GOLGA4: variants seen among roughly 807,000 people sequenced by gnomAD.
GOLGA4 encodes the protein golgin A4.
Under a neutral mutation model 265.9 loss-of-function variants are expected in GOLGA4, and 169 were observed. That is an observed-to-expected ratio of 0.64 (90% CI 0.56 to 0.72). The LOEUF (loss-of-function observed/expected upper bound fraction) is 0.72. GOLGA4 is among the 30% of genes least tolerant of loss of function. The probability of loss-of-function intolerance (pLI) is 0.00; values close to 1 mark genes in which losing one functional copy is unlikely to be tolerated. For missense variants in GOLGA4, 2,482 were observed against 2,483.4 expected (o/e 1.00, Z 0.01); for synonymous variants, 923 against 855.8 (o/e 1.08, Z -1.37).
At chr3:37,280,057 A>G (rs1053717108) in intron 2 of GOLGA4, among the ~76,000 whole-genome samples, 3 of 152,182 alleles carry the variant, frequency 2.0e-5, no homozygotes, top group African/African-American at 4.8e-5. Context: ...AAAACACAGC[A>G]TCGTAGATAG....
intron 10 of GOLGA4, among the ~76,000 whole-genome samples, chr3:37,313,120 T>C (rs1239696155): frequency 6.6e-6 from 1 of 152,004 alleles, no homozygotes; most frequent in Admixed American, 6.6e-5. Flanking sequence ...GGATAATCGC[T>C]TGAACCTGGG....
chr3:37,308,432 C>CTAATTTA (rs1246807608), intron 10 of GOLGA4, among the ~76,000 whole-genome samples: 4 of 151,588 alleles, frequency 2.6e-5, no homozygotes, highest in Non-Finnish European at 5.9e-5. Flanking sequence ...ATTGCACTAT[C>CTAATTTA]TAATTTATGC....
chr3:37,268,960 C>T (rs1445948081), intron 2 of GOLGA4, among the ~76,000 whole-genome samples: 1 of 152,214 alleles, frequency 6.6e-6, no homozygotes, highest in Non-Finnish European at 1.5e-5. Flanking sequence ...TAATCCATTA[C>T]AAGTTCAGTA....
In GOLGA4 at chr3:37,325,995, G is replaced by A. The variant is rs745324969; in HGVS notation, c.4109G>A (p.Ser1370Asn). ...EELKEKKVEI[S>N]SLSKQLTDLN... ...CTTAAAGAAAAAAAAGTTGAGATTA[G>A]CAGTCTTAGTAAACAACTAACTGAT... The change falls in exon 14 of 24, where the codon AGC becomes AAC. Residue 1370 changes from serine to asparagine, a missense_variant. Ser to Asn is a conservative substitution (Grantham distance 46). This residue lies in a region of GOLGA4 where 942 missense variants were observed against 983.1 expected (regional missense o/e 0.96). Transcript: ENST00000361924. 4 of 1,613,066 alleles carry A rather than the reference G, an allele frequency of 2.5e-6. No homozygotes were observed. In the Admixed American group the frequency reaches 5.0e-5, roughly 20 times the overall value.
chr3:37,278,174 G>C (rs1054401582), intron 2 of GOLGA4, among the ~76,000 whole-genome samples: 1 of 151,296 alleles, frequency 6.6e-6, no homozygotes, highest in East Asian at 1.9e-4. Flanking sequence ...TATTATTAAA[G>C]AGTATGATTT....
chr3:37,286,119 T>C (rs996671593), intron 4 of GOLGA4, 58 bp downstream of exon 4: 2 of 717,692 alleles, frequency 2.8e-6, no homozygotes, highest in East Asian at 5.2e-5. Context: ...AAAGATCTTA[T>C]ATAGTAAGAT....
intron 11 of GOLGA4, among the ~76,000 whole-genome samples, chr3:37,315,904 A>AGTACAGTAGCTGCTTAGC (rs2096936390): frequency 6.6e-6 from 1 of 152,190 alleles, no homozygotes; most frequent in Non-Finnish European, 1.5e-5. Context: ...TCAGTAGTAT[A>AGTACAGTAGCTGCTTAGC]TCCTCCAGAG....
At chr3:37,306,875 T>A (rs1305210539) in intron 10 of GOLGA4, among the ~76,000 whole-genome samples, 2 of 152,248 alleles carry the variant, frequency 1.3e-5, no homozygotes, top group Non-Finnish European at 2.9e-5. Flanking sequence ...TTGTGACAAT[T>A]TTGAGATATA....
chr3:37,244,243 A>G (rs973798249), intron 1 of GOLGA4: 7 of 152,344 alleles, frequency 4.6e-5, no homozygotes, highest in African/African-American at 1.7e-4. Context: ...GGCTGTCACG[A>G]GTTAGTCACT....
chr3:37,296,386 A>C (rs1377413404), intron 7 of GOLGA4, among the ~76,000 whole-genome samples, 167 bp downstream of exon 7: 2 of 152,180 alleles, frequency 1.3e-5, no homozygotes, highest in Non-Finnish European at 2.9e-5. Flanking sequence ...TCTCCACAAG[A>C]AAAACAAAAA....
Position 37,325,876 on chromosome 3 carries a change from G to A in GOLGA4, c.3990G>A (p.Gln1330=). ...KEALQKEGGN[Q]QQAASEKESC... ...CCTTACAGAAGGAAGGAGGCAATCA[G>A]CAACAGGCTGCTTCTGAAAAGGAGT... is the stretch of plus-strand genomic sequence containing the variant. Residue 1330 remains glutamine (Q), a synonymous_variant, in exon 14 of 24, where the codon CAG becomes CAA. Coordinates refer to ENST00000361924, the MANE Select transcript of GOLGA4 (RefSeq NM_002078.5). 6.2e-7 allele frequency: 1 copy of A among 1,613,664 alleles called. No homozygotes were observed. Among genetic ancestry groups the A allele is most frequent in the Non-Finnish European group, 8.5e-7 (1 of 1,179,730 alleles).
At chr3:37,313,847 T>C (rs745681495) in intron 10 of GOLGA4, among the ~76,000 whole-genome samples, 4 of 152,194 alleles carry the variant, frequency 2.6e-5, no homozygotes, top group Non-Finnish European at 5.9e-5. Context: ...AACTTTATTA[T>C]TAAGTGGAGG....
At chr3:37,322,446 A>G (rs1000747083) in intron 13 of GOLGA4, among the ~76,000 whole-genome samples, 1 of 152,044 alleles carries the variant, frequency 6.6e-6, no homozygotes, top group Admixed American at 6.5e-5. Context: ...GAAATGTACA[A>G]CCTATTTTGA....
Position 37,319,190 on chromosome 3 carries a change from C to T in GOLGA4, c.1541C>T (p.Ala514Val). 6.2e-7 allele frequency: 1 copy of T among 1,600,610 alleles called. No homozygotes were observed. Residue 514 changes from alanine (A) to valine (V), a missense_variant, in exon 12 of 24, where the codon GCT becomes GTT. By Grantham distance (64) the Ala-to-Val change is moderately conservative (BLOSUM62 0). This residue lies in a region of GOLGA4 where 1,536 missense variants were observed against 1,483.7 expected (regional missense o/e 1.04). Coordinates refer to ENST00000361924, the MANE Select transcript of GOLGA4 (RefSeq NM_002078.5). The part of the protein sequence containing the change: ...EREFQEQMKV[A>V]LEKSQSEYLK... The stretch of plus-strand genomic sequence containing the variant: ...GAATTTCAGGAACAAATGAAAGTAG[C>T]TCTTGTAAGTGACTATTTTTTTTTT...
Position 37,325,109 on chromosome 3 carries a change from G to C in GOLGA4, c.3223G>C (p.Glu1075Gln), listed in dbSNP as rs773176430. 4 of 1,612,794 alleles carry C rather than the reference G, an allele frequency of 2.5e-6. No homozygotes were observed. In the East Asian group the frequency reaches 6.7e-5, roughly 27 times the overall value. ...QLQEKEQEVAELKQKILLFGC... is the reference protein window; with the variant it reads ...QLQEKEQEVAQLKQKILLFGC... ...ACAGGAAAAAGAACAAGAGGTAGCA[G>C]AACTGAAACAAAAGATCCTCCTATT... is the stretch of plus-strand genomic sequence containing the variant. Residue 1075 changes from glutamate (E) to glutamine (Q), a missense_variant, in exon 14 of 24, where the codon GAA (glutamate) becomes CAA (glutamine). This residue lies in a region of GOLGA4 where 1,536 missense variants were observed against 1,483.7 expected (regional missense o/e 1.04). Coordinates refer to ENST00000361924, the MANE Select transcript of GOLGA4 (RefSeq NM_002078.5).
In GOLGA4 at chr3:37,325,461, A is replaced by G. The variant is rs1408286632; in HGVS notation, c.3575A>G (p.His1192Arg). The change falls in exon 14 of 24, where the codon CAT (histidine) becomes CGT (arginine). Residue 1192 changes from histidine to arginine, a missense_variant. Around this residue, in one of 3 missense-constraint regions of GOLGA4, gnomAD observed 1,536 missense variants for 1,483.7 expected, o/e 1.04. Transcript: ENST00000361924. ...GAATTCCAGAGTTTGAAATCTTCAC[A>G]TGAAAAAAGTAACAAAAGCCTAGAG... Reference protein sequence around the residue: ...DEEFQSLKSSHEKSNKSLEDK... With the variant: ...DEEFQSLKSSREKSNKSLEDK... The G allele has an allele frequency of 6.2e-7, 1 of 1,611,798 alleles. No homozygotes were observed. Among genetic ancestry groups the G allele is most frequent in the African/African-American group, 1.3e-5 (1 of 74,700 alleles).
chr3:37,266,801 T>C, intron 2 of GOLGA4: 2 of 969,958 alleles, frequency 2.1e-6, no homozygotes, highest in Non-Finnish European at 2.9e-6. Context: ...TCATCATTTG[T>C]TTTATTTTTG....
Position 37,324,977 on chromosome 3 carries a change from A to G in GOLGA4, c.3091A>G (p.Ser1031Gly), listed in dbSNP as rs2150963403. 6.2e-7 allele frequency: 1 copy of G among 1,613,264 alleles called. No homozygotes were observed. The highest frequency in any genetic ancestry group is 8.5e-7 in the Non-Finnish European group (1 of 1,179,534). The change falls in exon 14 of 24, where the codon AGT (serine) becomes GGT (glycine). Residue 1031 changes from serine to glycine, a missense_variant. Physicochemically the swap from Ser to Gly is moderately conservative, Grantham distance 56 (BLOSUM62 0). Around this residue, in one of 3 missense-constraint regions of GOLGA4, gnomAD observed 1,536 missense variants for 1,483.7 expected, o/e 1.04. Transcript: ENST00000361924. ...LETNQKEQIE[S>G]LTEVHRRELN... is the part of the protein sequence containing the mutation. ...AACAAACCAAAAAGAACAAATAGAA[A>G]GTCTTACTGAGGTTCATCGACGAGA... is the stretch of plus-strand genomic sequence containing the variant.
chr3:37,353,133 A>G (rs1285427940), intron 21 of GOLGA4, among the ~76,000 whole-genome samples: 1 of 152,086 alleles, frequency 6.6e-6, no homozygotes, highest in Non-Finnish European at 1.5e-5. Context: ...TTATATGGGC[A>G]TGGTTTGTGG....
Sources: allele counts gnomAD v4.1 joint callset (sites outside exome capture counted in the v4.1 genomes callset), GRCh38; gene constraint gnomAD v4.1.1; regional missense constraint gnomAD v4.1.1; transcripts MANE v1.5; gene names NCBI Gene and HGNC (gene_info 2026-07-23, HGNC 2026-07-21).